Variants in SASS6 observed in about 807,000 individuals in gnomAD.
The protein encoded by SASS6 is spindle assembly abnormal protein 6 homolog.
In SASS6, 59 loss-of-function variants were observed where a neutral mutation model predicts 94.9. The observed-to-expected ratio is 0.62, with a 90% CI of 0.50 to 0.77. The LOEUF is 0.77. Among genes scored for constraint, SASS6 ranks in the 30% least tolerant of loss-of-function variants. The pLI is 0.00. For missense variants in SASS6, 698 were observed against 734.1 expected, an observed-to-expected ratio of 0.95 and a Z score of 0.57; for synonymous variants, 264 against 270.0, an observed-to-expected ratio of 0.98 and a Z score of 0.22.
chr1:100,087,834 CTG>C (rs111376606), intron 15 of SASS6, among the ~76,000 whole-genome samples: 12 of 152,216 alleles, frequency 7.9e-5, no homozygotes, highest in African/African-American at 2.6e-4. Flanking sequence ...ATGAATATGT[CTG>C]AGAATATTTG....
intron 3 of SASS6, 26 bp from the exon 4 acceptor site, chr1:100,122,510 T>A: frequency 1.0e-6 from 1 of 982,982 alleles, no homozygotes; most frequent in Non-Finnish European, 1.5e-6. Context: ...GAAAAGAAAT[T>A]TTTTAAAAAT....
At chr1:100,086,940 T>C (rs1651331034) in intron 15 of SASS6, among the ~76,000 whole-genome samples, 1 of 152,210 alleles carries the variant, frequency 6.6e-6, no homozygotes, top group African/African-American at 2.4e-5. Flanking sequence ...TTGATCTTTT[T>C]TAAAAATGGA....
At chr1:100,119,169 T>G in intron 6 of SASS6, 32 bp from the exon 7 acceptor site, 1 of 1,245,494 alleles carries the variant, frequency 8.0e-7, no homozygotes, top group Non-Finnish European at 1.1e-6. Context: ...AATATTAAGA[T>G]AGGCTCCTTA....
At chr1:100,090,358 T>G (rs1418873823) in intron 14 of SASS6, among the ~76,000 whole-genome samples, 1 of 152,150 alleles carries the variant, frequency 6.6e-6, no homozygotes, top group Admixed American at 6.5e-5. Flanking sequence ...TGATACTTCA[T>G]GTAAATACTA....
chr1:100,106,907 CT>C lies in SASS6; in HGVS notation c.1408+4del. 8.7e-7 allele frequency: 1 copy of C among 1,154,680 alleles called. No homozygotes were observed. The highest frequency in any genetic ancestry group is 1.3e-6 in the Non-Finnish European group (1 of 771,640). The allele number at this position is 1,154,680 out of a possible 1,614,324, so 71.5% of individuals were successfully genotyped here. Reference sequence around the variant, plus strand: ...CTCATTTACATTAACACGTAACATACTTACACTTTTCATTATTTTTTAGAAG... The same window carrying C: ...CTCATTTACATTAACACGTAACATACTACACTTTTCATTATTTTTTAGAAG... On this transcript the variant is annotated splice_donor_region_variant and intron_variant, in intron 12 of 16. Transcript: ENST00000287482.
chr1:100,099,208 T>C (rs1034278899), intron 14 of SASS6: 17 of 152,826 alleles, frequency 1.1e-4, no homozygotes, highest in Admixed American at 3.9e-4. Context: ...GATAAAGAAA[T>C]TGAGGCAACA....
In SASS6 at chr1:100,116,023, C is replaced by T. The variant is rs541149270; in HGVS notation, c.669+2995G>A. 2.6e-5 allele frequency among the ~76,000 whole-genome samples: 4 copies of T among 152,016 alleles called. No homozygotes were observed. In the East Asian group the frequency reaches 7.7e-4, roughly 29 times the overall value. On this transcript the variant is annotated intron_variant, in intron 7 of 16. Coordinates refer to ENST00000287482, the MANE Select transcript of SASS6 (RefSeq NM_194292.3). ...TTTTTCATAGTCCTCGGGTGGGAAA[C>T]ACTTTCCAAATGTGAAATGAAATCT...
Position 100,119,497 on chromosome 1 carries a change from C to T in SASS6, c.550-360G>A, listed in dbSNP as rs994329836. Reference sequence around the variant, plus strand: ...ACATGGCCCTGTGGGCCACATTGTGCAGGGGTATTTTCTGCATGAGGCCAT... The same window carrying T: ...ACATGGCCCTGTGGGCCACATTGTGTAGGGGTATTTTCTGCATGAGGCCAT... On this transcript the variant is annotated intron_variant, in intron 6 of 16. Coordinates refer to ENST00000287482, the MANE Select transcript of SASS6 (RefSeq NM_194292.3). 1.2e-4 allele frequency among the ~76,000 whole-genome samples: 19 copies of T among 152,162 alleles called. 1 individual carries two copies. Among genetic ancestry groups the T allele is most frequent in the African/African-American group, 4.6e-4 (19 of 41,442 alleles).
intron 2 of SASS6, 88 bp downstream of exon 2, chr1:100,125,794 G>A: frequency 1.3e-6 from 1 of 753,324 alleles, no homozygotes; most frequent in Admixed American, 2.5e-5. Flanking sequence ...CAAAATAAAT[G>A]CAATAAAAGA....
At chr1:100,089,686 A>C (rs1651546801) in intron 14 of SASS6, among the ~76,000 whole-genome samples, 1 of 152,142 alleles carries the variant, frequency 6.6e-6, no homozygotes, top group Admixed American at 6.5e-5. Flanking sequence ...ATTATAAGAC[A>C]AAAGAAGAAT....
chr1:100,119,061 TTGTTTGTCAAGGCTGC>T lies in SASS6; in HGVS notation c.610_625del (p.Ala204SerfsTer6). Reference sequence around the variant, plus strand: ...TTCATTTGTCAGTTCCTGAGAATGCTTGTTTGTCAAGGCTGCTGTATGTGACGCCCATTCATTCCGT... The same window carrying T: ...TTCATTTGTCAGTTCCTGAGAATGCTTGTATGTGACGCCCATTCATTCCGT... On this transcript the variant is annotated frameshift_variant, in exon 7 of 17. Transcript: ENST00000287482. LOFTEE classifies it high-confidence loss of function. The T allele has an allele frequency of 6.3e-7, 1 of 1,592,068 alleles. No homozygotes were observed. Among genetic ancestry groups the T allele is most frequent in the Non-Finnish European group, 8.6e-7 (1 of 1,165,970 alleles).
In SASS6 at chr1:100,132,919, G is replaced by A; in HGVS notation, c.-105C>T. The A allele has an allele frequency of 8.4e-7, 1 of 1,184,138 alleles. No individual in the cohort carries two copies. Among genetic ancestry groups the A allele is most frequent in the Non-Finnish European group, 1.2e-6 (1 of 809,290 alleles). The allele number at this position is 1,184,138 out of a possible 1,614,324, so 73.4% of individuals were successfully genotyped here. The stretch of plus-strand genomic sequence containing the variant: ...TGATAAAGTTTGAGTTTGGCGCTCG[G>A]CTTCTGCGGAGGAGGCGGGGAGGGA... On this transcript the variant is annotated 5_prime_UTR_variant, in exon 1 of 17. Coordinates refer to ENST00000287482, the MANE Select transcript of SASS6 (RefSeq NM_194292.3).
chr1:100,112,519 C>T (rs61707890), intron 7 of SASS6, among the ~76,000 whole-genome samples: 6,300 of 151,914 alleles, frequency 0.041, 326 homozygotes, highest in African/African-American at 0.12. Flanking sequence ...TAAGTGTAAA[C>T]ATAAAGAGAA....
At chr1:100,130,076 G>C (rs951574320) in intron 1 of SASS6, among the ~76,000 whole-genome samples, 4 of 152,164 alleles carry the variant, frequency 2.6e-5, no homozygotes, top group South Asian at 2.1e-4. Context: ...ACTTAAAGAT[G>C]AGACACAGAG....
chr1:100,108,013 G>T lies in SASS6; in HGVS notation c.862-9C>A. 1 of 1,543,656 alleles carries T rather than the reference G, an allele frequency of 6.5e-7. No individual in the cohort carries two copies. The highest frequency in any genetic ancestry group is 8.8e-7 in the Non-Finnish European group (1 of 1,138,540). Reference sequence around the variant, plus strand: ...TTAGTCCGCTGTAGCTCCTAGAATGGGAAAAGAAAGAAATTAAGCATTATG... The same window carrying T: ...TTAGTCCGCTGTAGCTCCTAGAATGTGAAAAGAAAGAAATTAAGCATTATG... On this transcript the variant is annotated splice_polypyrimidine_tract_variant and intron_variant, in intron 8 of 16. Transcript: ENST00000287482.
chr1:100,105,234 G>A (rs1339776763), intron 13 of SASS6, among the ~76,000 whole-genome samples: 2 of 152,070 alleles, frequency 1.3e-5, no homozygotes. Flanking sequence ...GACTTATAAA[G>A]AAGTGTGCTC....
Position 100,119,119 on chromosome 1 carries a change from GT to G in SASS6, c.567del (p.Lys189AsnfsTer4). 9.6e-6 allele frequency: 15 copies of G among 1,557,298 alleles called. No individual in the cohort carries two copies. Among genetic ancestry groups the G allele is most frequent in the South Asian group, 3.6e-5 (3 of 83,586 alleles). ...TCATTCCGTAACTTATCTAATTCTT[GT>G]TTTTTTTCTGCTAATGTCTACATTA... ...DFTRKTLAEK[K>X]QELDKLRNEW... On this transcript the variant is annotated frameshift_variant, in exon 7 of 17. Coordinates refer to ENST00000287482, the MANE Select transcript of SASS6 (RefSeq NM_194292.3). LOFTEE classifies it high-confidence loss of function.
chr1:100,115,559 G>A (rs1653731457), intron 7 of SASS6, among the ~76,000 whole-genome samples: 1 of 152,200 alleles, frequency 6.6e-6, no homozygotes, highest in South Asian at 2.1e-4. Flanking sequence ...CAGGCACAGT[G>A]GCTCATGTTG....
intron 6 of SASS6, 52 bp downstream of exon 6, chr1:100,120,342 T>C (rs1181730010): frequency 5.9e-6 from 5 of 844,950 alleles, no homozygotes; most frequent in South Asian, 1.4e-5. Context: ...AAGGAAGCAA[T>C]TCAGTGCCAA....
Sources: allele counts gnomAD v4.1 joint callset (sites outside exome capture counted in the v4.1 genomes callset), GRCh38; gene constraint gnomAD v4.1.1; transcripts MANE v1.5; gene names NCBI Gene and HGNC (gene_info 2026-07-23, HGNC 2026-07-21).